DPF1: variants seen among roughly 807,000 people sequenced by gnomAD.
The protein encoded by DPF1 is zinc finger protein neuro-d4.
A neutral mutation model predicts 58.7 loss-of-function variants in DPF1; 14 were observed. The observed-to-expected ratio is 0.24, with a 90% CI of 0.16 to 0.37. DPF1 has a LOEUF of 0.37. Ranked by LOEUF, DPF1 falls within the 10% of genes least tolerant of loss-of-function variation. DPF1 has a pLI of 1.00. For missense variants in DPF1, 345 were observed against 529.9 expected (o/e 0.65, Z 3.43); for synonymous variants, 216 against 216.0 (o/e 1.00, Z 0.00).
At chr19:38,229,209 C>T (rs1050207405), upstream of DPF1, among the ~76,000 whole-genome samples, 3 of 152,014 alleles carry the variant, frequency 2.0e-5, no homozygotes, top group African/African-American at 4.8e-5. This position sits in a 1 kb window ranked among gnomAD's most constrained non-coding sequence, Gnocchi z 5.3. Context: ...CTTTCAGCCC[C>T]GGCCGGGGCA....
At chr19:38,216,519 G>A (rs1967032426) in intron 7 of DPF1, 116 bp from the exon 8 acceptor site, 4 of 1,240,634 alleles carry the variant, frequency 3.2e-6, no homozygotes, top group South Asian at 1.8e-5. Flanking sequence ...TGGGAAGAGT[G>A]AGTAGCTACC....
At chr19:38,221,911 G>A (rs1967503710) in intron 3 of DPF1, among the ~76,000 whole-genome samples, 1 of 152,020 alleles carries the variant, frequency 6.6e-6, no homozygotes, top group South Asian at 2.1e-4. Flanking sequence ...GTGAAACCCC[G>A]TTTCTACTAA....
upstream of DPF1, among the ~76,000 whole-genome samples, chr19:38,225,817 A>G (rs1359634134): frequency 1.3e-5 from 2 of 151,004 alleles, no homozygotes; most frequent in Non-Finnish European, 2.9e-5. Flanking sequence ...TGAACCCAGG[A>G]GATCGAAGCT....
chr19:38,225,618 G>T (rs1475775079), upstream of DPF1, among the ~76,000 whole-genome samples: 1 of 151,644 alleles, frequency 6.6e-6, no homozygotes, highest in Non-Finnish European at 1.5e-5. Flanking sequence ...AAGTAAGCAG[G>T]GCGCCGTGAC....
chr19:38,226,993 T>TCTTCCTTCCTTCCTTCCTTC (rs71179424), upstream of DPF1, among the ~76,000 whole-genome samples: 14 of 71,712 alleles, frequency 2.0e-4, no homozygotes, highest in African/African-American at 3.1e-4. Context: ...CTTTTATTTC[T>TCTTCCTTCCTTCCTTCCTTC]CTTCCTTCCT....
At chr19:38,223,961 C>A in intron 1 of DPF1, 153 bp downstream of exon 1, 1 of 1,040,860 alleles carries the variant, frequency 9.6e-7, no homozygotes, top group South Asian at 3.3e-5. Context: ...TTGTCAGAGA[C>A]CCACAGTCAC....
At chr19:38,213,802 C>T (rs781006262) in intron 9 of DPF1, 46 bp from the exon 10 acceptor site, 2 of 1,508,860 alleles carry the variant, frequency 1.3e-6, no homozygotes. Context: ...CACCGTGCCC[C>T]TGGTGGGCAC....
intron 9 of DPF1, among the ~76,000 whole-genome samples, chr19:38,214,334 C>T (rs1383850241): frequency 6.6e-6 from 1 of 152,218 alleles, no homozygotes; most frequent in Non-Finnish European, 1.5e-5. Flanking sequence ...CAGAGACACC[C>T]GCAGCCGCTA....
chr19:38,212,777 T>C (rs1026042877), intron 10 of DPF1, among the ~76,000 whole-genome samples: 3 of 135,378 alleles, frequency 2.2e-5, no homozygotes, highest in East Asian at 4.2e-4. Context: ...TGCACGACTT[T>C]TTTTTTTTTT....
At chr19:38,216,102 G>T in intron 9 of DPF1, 38 bp downstream of exon 9, 2 of 1,584,488 alleles carry the variant, frequency 1.3e-6, no homozygotes, top group Non-Finnish European at 8.6e-7. Context: ...AATGTCCTCT[G>T]CACCCGGCCC....
chr19:38,220,485 G>A (rs1291970132), intron 3 of DPF1, among the ~76,000 whole-genome samples: 1 of 151,822 alleles, frequency 6.6e-6, no homozygotes, highest in Non-Finnish European at 1.5e-5. Context: ...GCTGGGCGTA[G>A]TGGCAGGCGC....
At chr19:38,221,652 T>C (rs1967483394) in intron 3 of DPF1, among the ~76,000 whole-genome samples, 1 of 151,862 alleles carries the variant, frequency 6.6e-6, no homozygotes, top group Admixed American at 6.6e-5. Context: ...TGCCCTCCAA[T>C]ACCACTGGGA....
chr19:38,224,585 G>A (rs1967736474), upstream of DPF1, among the ~76,000 whole-genome samples: 1 of 152,030 alleles, frequency 6.6e-6, no homozygotes, highest in South Asian at 2.1e-4. This position sits in a 1 kb window ranked among gnomAD's most constrained non-coding sequence, Gnocchi z 4.5. Context: ...ACTAAGAGAC[G>A]CAGAGACACC....
intron 3 of DPF1, among the ~76,000 whole-genome samples, chr19:38,220,239 A>AGAAGGAAGGAAAGAAAGAAAGAAAG (rs1460436325): frequency 6.6e-6 from 1 of 151,324 alleles, no homozygotes; most frequent in Admixed American, 6.6e-5. Context: ...AAAGAAAGAA[A>AGAAGGAAGGAAAGAAAGAAAGAAAG]GAAGGAAGGA....
At chr19:38,213,258 A>AGCC (rs1973590915) in intron 10 of DPF1, among the ~76,000 whole-genome samples, 1 of 152,090 alleles carries the variant, frequency 6.6e-6, no homozygotes, top group Non-Finnish European at 1.5e-5. Flanking sequence ...TCCAGGCGTG[A>AGCC]GCCACCGCGC....
chr19:38,216,072 C>A, intron 9 of DPF1, 68 bp downstream of exon 9: 1 of 1,536,374 alleles, frequency 6.5e-7, no homozygotes, highest in South Asian at 1.2e-5. Flanking sequence ...TGCCTCCCTC[C>A]CTCCAGGTCT....
At chr19:38,218,070 C>T (rs904889642) in intron 5 of DPF1, among the ~76,000 whole-genome samples, 194 bp from the exon 6 acceptor site, 7 of 152,062 alleles carry the variant, frequency 4.6e-5, no homozygotes, top group East Asian at 1.9e-4. Flanking sequence ...GGCATGGTGG[C>T]GCGTGCCTGT....
chr19:38,228,292 A>AT (rs1438412072), upstream of DPF1, among the ~76,000 whole-genome samples: 2 of 127,260 alleles, frequency 1.6e-5, no homozygotes, highest in African/African-American at 5.7e-5. Flanking sequence ...TCCCACCCCC[A>AT]TTCCCGCCAG....
In DPF1 at chr19:38,224,155, G is replaced by T; in HGVS notation, c.-13C>A. ...TGACAGTGGCCATCTTGCTCCCCGG[G>T]TCCTGCCCCCAGCAGGTCCCCGCCG... On this transcript the variant is annotated 5_prime_UTR_variant, in exon 1 of 12. Transcript: ENST00000355526. The surrounding 1 kb of genome is among the most constrained non-coding windows in gnomAD (Gnocchi z 4.5). 6.8e-7 allele frequency: 1 copy of T among 1,462,994 alleles called. No individual in the cohort carries two copies. Among genetic ancestry groups the T allele is most frequent in the Non-Finnish European group, 9.0e-7 (1 of 1,113,404 alleles). 90.6% of individuals were successfully genotyped at this position (1,462,994 alleles called of 1,614,324 possible). A position where few individuals can be genotyped will look rare whatever the true frequency, so the allele number is the denominator to read the frequency against.
Sources: gnomAD v4.1 joint callset for allele counts (sites outside exome capture counted in the v4.1 genomes callset) on GRCh38, gnomAD v4.1.1 for gene constraint, Gnocchi (gnomAD v3.1) non-coding constraint, MANE v1.5 for transcripts, NCBI Gene and HGNC (gene_info 2026-07-23, HGNC 2026-07-21) for gene names.